DNM1L: variants seen among roughly 807,000 people sequenced by gnomAD.
DNM1L encodes dynamin 1L.
A neutral mutation model predicts 92.8 loss-of-function variants in DNM1L; 33 were observed. The ratio of observed to expected loss-of-function variants is 0.36; its 90% CI spans 0.27 to 0.48. The LOEUF (loss-of-function observed/expected upper bound fraction) is 0.48. Ranked by LOEUF, DNM1L falls within the 20% of genes least tolerant of loss-of-function variation. DNM1L has a pLI of 0.99. For synonymous variants in DNM1L, 284 were observed against 305.0 expected (o/e 0.93, Z 0.72); for missense variants, 485 against 888.8 (o/e 0.55, Z 5.78).
intron 1 of DNM1L, among the ~76,000 whole-genome samples, chr12:32,685,317 C>T (rs193066931): frequency 1.1e-4 from 16 of 148,318 alleles, no homozygotes; most frequent in Non-Finnish European, 1.5e-4. Context: ...TTACGTTTAA[C>T]TTTCTGAAAA....
intron 9 of DNM1L, chr12:32,727,226 C>A: frequency 7.0e-7 from 1 of 1,420,912 alleles, no homozygotes; most frequent in Non-Finnish European, 9.9e-7. Flanking sequence ...CAAATAGAGG[C>A]TGATAGAGAA....
At chr12:32,737,796 T>G (rs1000871471) in intron 14 of DNM1L, 69 bp from the exon 15 acceptor site, 2 of 1,168,042 alleles carry the variant, frequency 1.7e-6, no homozygotes, top group Non-Finnish European at 2.6e-6. Context: ...AAAAATTCAT[T>G]TATAGAATGT....
At chr12:32,711,861 C>T (rs1461668099) in intron 5 of DNM1L, among the ~76,000 whole-genome samples, 3 of 152,020 alleles carry the variant, frequency 2.0e-5, no homozygotes, top group Non-Finnish European at 4.4e-5. Context: ...CCAACCTGGC[C>T]AACAGAGTGA....
chr12:32,731,767 G>C lies in DNM1L; in HGVS notation c.1357-87G>C. ...ACATGTAGTCTCAGCTACTTGGGAG[G>C]CTAAGGTGGGAGGATGGCTTAGTGA... On this transcript the variant is annotated intron_variant, in intron 11 of 19. Coordinates refer to ENST00000549701, the MANE Select transcript of DNM1L (RefSeq NM_012062.5). The surrounding 1 kb of genome is among the most constrained non-coding windows in gnomAD (Gnocchi z 5.1). 1 of 1,172,562 alleles carries C rather than the reference G, an allele frequency of 8.5e-7. No individual in the cohort carries two copies. The highest frequency in any genetic ancestry group is 1.3e-6 in the Non-Finnish European group (1 of 792,258). The allele number at this position is 1,172,562 out of a possible 1,614,324, so 72.6% of individuals were successfully genotyped here.
intron 8 of DNM1L, among the ~76,000 whole-genome samples, chr12:32,721,471 T>C (rs1180285103): frequency 1.3e-5 from 2 of 152,226 alleles, no homozygotes; most frequent in Non-Finnish European, 2.9e-5. Flanking sequence ...TCTGTGGTAA[T>C]TGCAGTAATA....
intron 4 of DNM1L, among the ~76,000 whole-genome samples, chr12:32,710,706 T>C (rs1953093763): frequency 6.6e-6 from 1 of 152,090 alleles, no homozygotes; most frequent in Non-Finnish European, 1.5e-5. Context: ...ATATAATACA[T>C]GTACATATAA....
At chr12:32,743,210 T>G (rs999301365) in intron 19 of DNM1L, 144 bp from the exon 20 acceptor site, 1 of 763,864 alleles carries the variant, frequency 1.3e-6, no homozygotes, top group Non-Finnish European at 2.2e-6. Context: ...TTGATTAGAT[T>G]CTAATTCCAG....
chr12:32,733,635 A>G (rs1363602574), intron 12 of DNM1L, 80 bp from the exon 13 acceptor site: 2 of 1,196,978 alleles, frequency 1.7e-6, no homozygotes, highest in Admixed American at 1.7e-5. Context: ...TGTCTGTTTC[A>G]TAAGTTTTAT....
intron 12 of DNM1L, among the ~76,000 whole-genome samples, chr12:32,733,041 G>A (rs573290626): frequency 4.5e-4 from 68 of 152,298 alleles, no homozygotes; most frequent in Middle Eastern, 3.4e-3. Context: ...TGGAGGCTGC[G>A]GTGAGCCGAG....
intron 1 of DNM1L, among the ~76,000 whole-genome samples, chr12:32,680,228 G>GA (rs1951757215): frequency 6.6e-6 from 1 of 151,984 alleles, no homozygotes; most frequent in African/African-American, 2.4e-5. Flanking sequence ...TTTGAATGCA[G>GA]AAATGTTGGC....
At chr12:32,737,295 G>C in intron 14 of DNM1L, 134 bp downstream of exon 14, 1 of 835,402 alleles carries the variant, frequency 1.2e-6, no homozygotes, top group Non-Finnish European at 1.9e-6. Flanking sequence ...ACTGAGTAAA[G>C]GCATACAAGT....
intron 1 of DNM1L, among the ~76,000 whole-genome samples, chr12:32,685,359 C>CTTTT (rs71298052): frequency 5.6e-5 from 7 of 124,442 alleles, no homozygotes; most frequent in Admixed American, 9.0e-5. Context: ...GTGGCTGCAC[C>CTTTT]TTTTTTTTTT....
At chr12:32,720,400 A>C (rs1429162832) in intron 7 of DNM1L, among the ~76,000 whole-genome samples, 1 of 152,190 alleles carries the variant, frequency 6.6e-6, no homozygotes, top group East Asian at 1.9e-4. Flanking sequence ...GGCCTACTCT[A>C]TTTAGGCACT....
chr12:32,703,811 G>T (rs1428402358), intron 2 of DNM1L, among the ~76,000 whole-genome samples: 4 of 152,068 alleles, frequency 2.6e-5, no homozygotes, highest in Non-Finnish European at 5.9e-5. Flanking sequence ...AAATATTTTA[G>T]TGTTTAATAT....
chr12:32,684,477 C>CTTTTTTTTTT (rs768276200), intron 1 of DNM1L, among the ~76,000 whole-genome samples: 1 of 146,092 alleles, frequency 6.8e-6, no homozygotes, highest in Non-Finnish European at 1.5e-5. Flanking sequence ...CAACATAATT[C>CTTTTTTTTTT]TTTTTTTTTT....
intron 6 of DNM1L, among the ~76,000 whole-genome samples, chr12:32,717,164 T>TA (rs1163964354): frequency 8.1e-6 from 1 of 123,474 alleles, no homozygotes; most frequent in Admixed American, 1.0e-4. Flanking sequence ...GAAATATATA[T>TA]ACTATAAAAT....
intron 1 of DNM1L, among the ~76,000 whole-genome samples, chr12:32,685,094 C>A (rs1022991245): frequency 6.4e-4 from 97 of 151,034 alleles, no homozygotes; most frequent in African/African-American, 2.2e-3. Flanking sequence ...TGCCCGCTAC[C>A]ACGCCCAGCT....
chr12:32,739,830 CA>C, intron 16 of DNM1L: 1 of 530,818 alleles, frequency 1.9e-6, no homozygotes, highest in East Asian at 3.2e-5. Flanking sequence ...TTAAATAGAA[CA>C]TAAGTTGGTT....
Position 32,744,762 on chromosome 12 carries a change from G to GACTT in DNM1L, c.*1355_*1358dup, listed in dbSNP as rs371410962. 22 of 415,576 alleles carry GACTT rather than the reference G, an allele frequency of 5.3e-5. 1 individual carries two copies. Among genetic ancestry groups the GACTT allele is most frequent in the South Asian group, 1.2e-4 (7 of 56,480 alleles). 25.7% of individuals were successfully genotyped at this position (415,576 alleles called of 1,614,324 possible). A position where few individuals can be genotyped will look rare whatever the true frequency, so the allele number is the denominator to read the frequency against. On this transcript the variant is annotated 3_prime_UTR_variant, in exon 20 of 20. Coordinates refer to ENST00000549701, the MANE Select transcript of DNM1L (RefSeq NM_012062.5). ...CCAGATAGATACACATACTCCTTCA[G>GACTT]ACTTACAGACCTAAGCTGCATTTAT...
Sources: allele counts gnomAD v4.1 joint callset (sites outside exome capture counted in the v4.1 genomes callset), GRCh38; gene constraint gnomAD v4.1.1; non-coding constraint Gnocchi (gnomAD v3.1); transcripts MANE v1.5; gene names NCBI Gene and HGNC (gene_info 2026-07-23, HGNC 2026-07-21).